Variants in STYX observed in about 807,000 individuals in gnomAD.
The protein encoded by STYX is serine/threonine/tyrosine interacting protein, also known as serine/threonine/tyrosine-interacting protein.
In STYX, 20 loss-of-function variants were observed where a neutral mutation model predicts 42.7. The ratio of observed to expected loss-of-function variants is 0.47; its 90% CI spans 0.33 to 0.68. STYX has a LOEUF of 0.68. STYX is among the 30% of genes least tolerant of loss of function. STYX has a pLI of 0.02. For synonymous variants in STYX, 78 were observed against 81.9 expected, an observed-to-expected ratio of 0.95 and a Z score of 0.26; for missense variants, 226 against 268.5, an observed-to-expected ratio of 0.84 and a Z score of 1.11.
chr14:52,747,934 G>C (rs145139099), intron 3 of STYX, among the ~76,000 whole-genome samples: 53 of 152,310 alleles, frequency 3.5e-4, no homozygotes, highest in African/African-American at 1.3e-3. Flanking sequence ...AGAAGTTGCA[G>C]TGAGCCAACA....
At chr14:52,762,231 G>A (rs746280774) in intron 9 of STYX, among the ~76,000 whole-genome samples, 2 of 151,982 alleles carry the variant, frequency 1.3e-5, no homozygotes, top group African/African-American at 4.8e-5. Context: ...TCCTCTCACC[G>A]GTTTGTAAGA....
chr14:52,765,827 G>C (rs1882283437), intron 9 of STYX, among the ~76,000 whole-genome samples: 1 of 152,140 alleles, frequency 6.6e-6, no homozygotes. Context: ...TGCTGCTGTT[G>C]ATCTGAGAGG....
At chr14:52,732,217 T>G (rs908794252) in intron 1 of STYX, among the ~76,000 whole-genome samples, 1 of 148,320 alleles carries the variant, frequency 6.7e-6, no homozygotes, top group Non-Finnish European at 1.5e-5. Flanking sequence ...TTCTCCTGCC[T>G]AAGCCTCCTG....
intron 4 of STYX, among the ~76,000 whole-genome samples, chr14:52,753,778 G>A (rs1881730355): frequency 6.7e-6 from 1 of 148,840 alleles, no homozygotes; most frequent in Non-Finnish European, 1.5e-5. Context: ...TGAATCCACA[G>A]GTATGAAATT....
At chr14:52,758,733 G>A (rs543702673) in intron 8 of STYX, among the ~76,000 whole-genome samples, 253 of 152,064 alleles carry the variant, frequency 1.7e-3, no homozygotes, top group African/African-American at 2.5e-3. Context: ...ACACCACCAC[G>A]CCTGGCTAAT....
chr14:52,741,895 G>A (rs1444669543), intron 1 of STYX, among the ~76,000 whole-genome samples: 1 of 152,102 alleles, frequency 6.6e-6, no homozygotes, highest in Non-Finnish European at 1.5e-5. Context: ...TTTTGTAAGT[G>A]TAACTCAGTT....
intron 10 of STYX, among the ~76,000 whole-genome samples, 176 bp downstream of exon 10, chr14:52,769,109 C>T (rs1338039431): frequency 1.3e-5 from 2 of 152,094 alleles, no homozygotes; most frequent in Non-Finnish European, 2.9e-5. Context: ...AAGCTTAAGT[C>T]TTTCAAGTAG....
intron 1 of STYX, among the ~76,000 whole-genome samples, chr14:52,733,236 C>T (rs1880806009): frequency 6.6e-6 from 1 of 152,172 alleles, no homozygotes. Flanking sequence ...TGCATTTAAT[C>T]TGTTACTGTG....
intron 2 of STYX, among the ~76,000 whole-genome samples, chr14:52,745,822 A>G (rs1026290859): frequency 6.6e-6 from 1 of 152,172 alleles, no homozygotes; most frequent in Non-Finnish European, 1.5e-5. Context: ...ATAGGTGAGT[A>G]CCTATGAGGC....
Position 52,771,085 on chromosome 14 carries a change from G to A in STYX, c.651G>A (p.Val217=). ...EEEDDFGTMQ[V]ATAQNG The stretch of plus-strand genomic sequence containing the variant: ...AGGATGATTTTGGAACCATGCAAGT[G>A]GCGACTGCACAGAATGGCTGACTTG... Residue 217 remains valine, a synonymous_variant, in exon 11 of 11, where the codon GTG becomes GTA. Transcript: ENST00000354586. The A allele has an allele frequency of 6.2e-7, 1 of 1,611,754 alleles. No homozygotes were observed.
At chr14:52,739,775 A>G (rs115659833) in intron 1 of STYX, among the ~76,000 whole-genome samples, 1,778 of 150,746 alleles carry the variant, frequency 0.012, 33 homozygotes, top group African/African-American at 0.041. Flanking sequence ...CCAAGTAGCT[A>G]GGACCTCAGT....
chr14:52,764,973 A>G (rs1206263344), intron 9 of STYX, among the ~76,000 whole-genome samples: 1 of 151,982 alleles, frequency 6.6e-6, no homozygotes, highest in Non-Finnish European at 1.5e-5. Context: ...CCAGCCCTTA[A>G]TCCTACATTT....
Position 52,754,195 on chromosome 14 carries a change from T to TA in STYX, c.243-2356_243-2355insA, listed in dbSNP as rs560374390. ...GAGCCACTGCGCCCGGCCTGAATTT[T>TA]TTATAATTATGAAAGAAATACTTTT... On this transcript the variant is annotated intron_variant, in intron 4 of 10. Transcript: ENST00000354586. Among the ~76,000 whole-genome samples, 33 of 151,804 alleles carry TA rather than the reference T, an allele frequency of 2.2e-4. No homozygotes were observed. In the East Asian group the frequency reaches 6.5e-3, roughly 30 times the overall value.
At position 52,742,148 on chromosome 14, in the gene STYX, A is replaced by T. The variant is rs555086691; in HGVS notation, c.58-2704A>T. Reference sequence around the variant, plus strand: ...AACCCCAAACTTGAGTGGATGCCAGATTGTGGTTAGGAAGACCCCACTCCA... The same window carrying T: ...AACCCCAAACTTGAGTGGATGCCAGTTTGTGGTTAGGAAGACCCCACTCCA... On this transcript the variant is annotated intron_variant, in intron 1 of 10. Coordinates refer to ENST00000354586, the MANE Select transcript of STYX (RefSeq NM_145251.4). Among the ~76,000 whole-genome samples the T allele has an allele frequency of 7.6e-4, 116 of 152,328 alleles. 1 individual carries two copies. Among genetic ancestry groups the T allele is most frequent in the Non-Finnish European group, 4.0e-4 (27 of 68,028 alleles).
intron 3 of STYX, among the ~76,000 whole-genome samples, chr14:52,746,854 T>A (rs893796819): frequency 3.3e-5 from 5 of 152,216 alleles, no homozygotes; most frequent in African/African-American, 1.2e-4. Context: ...TAGTTAAACC[T>A]TCCTTATCAA....
At chr14:52,753,892 A>ATTTTTT (rs56734068) in intron 4 of STYX, among the ~76,000 whole-genome samples, 11 of 77,244 alleles carry the variant, frequency 1.4e-4, no homozygotes, top group African/African-American at 1.9e-4. Flanking sequence ...CAAAACACTG[A>ATTTTTT]TTTTTTTTTT....
intron 4 of STYX, among the ~76,000 whole-genome samples, chr14:52,754,226 T>C (rs1316766198): frequency 6.6e-6 from 1 of 151,986 alleles, no homozygotes; most frequent in Non-Finnish European, 1.5e-5. Flanking sequence ...CTTTTTTTTT[T>C]TTCAAAGATA....
chr14:52,750,542 A>G, intron 3 of STYX, 141 bp from the exon 4 acceptor site: 1 of 562,876 alleles, frequency 1.8e-6, no homozygotes, highest in Non-Finnish European at 3.0e-6. Flanking sequence ...GTATATTATA[A>G]AATTAGCTTT....
intron 9 of STYX, among the ~76,000 whole-genome samples, chr14:52,761,996 G>T (rs1882113454): frequency 6.6e-6 from 1 of 151,750 alleles, no homozygotes; most frequent in Non-Finnish European, 1.5e-5. Context: ...AGTGAGCCGA[G>T]ATGGCATCAT....
Sources: allele counts gnomAD v4.1 joint callset (sites outside exome capture counted in the v4.1 genomes callset), GRCh38; gene constraint gnomAD v4.1.1; transcripts MANE v1.5; gene names NCBI Gene and HGNC (gene_info 2026-07-23, HGNC 2026-07-21).